The following ROBO1 variants were observed in gnomAD, a reference collection of about 807,000 sequenced individuals.
The protein encoded by ROBO1 is roundabout guidance receptor 1, also known as roundabout homolog 1.
Under a neutral mutation model 195.9 loss-of-function variants are expected in ROBO1, and 149 were observed. The ratio of observed to expected loss-of-function variants is 0.76; its 90% CI spans 0.67 to 0.87. The LOEUF (loss-of-function observed/expected upper bound fraction) is 0.87. ROBO1 is among the 40% of genes least tolerant of loss of function. The pLI is 0.00. For missense variants in ROBO1, 1,933 were observed against 2,068.3 expected (o/e 0.93, Z 1.27); for synonymous variants, 816 against 733.2 (o/e 1.11, Z -1.82).
chr3:78,874,862 T>C (rs1048045544), intron 4 of ROBO1, among the ~76,000 whole-genome samples: 4 of 151,928 alleles, frequency 2.6e-5, no homozygotes, highest in Non-Finnish European at 2.9e-5. Flanking sequence ...AATAGTTACC[T>C]CAAAACAAAT....
intron 4 of ROBO1, among the ~76,000 whole-genome samples, chr3:78,848,561 G>A (rs2033825991): frequency 6.6e-6 from 1 of 152,150 alleles, no homozygotes; most frequent in South Asian, 2.1e-4. Flanking sequence ...AGACCTTAGA[G>A]AAGGGAGGGG....
intron 26 of ROBO1, among the ~76,000 whole-genome samples, chr3:78,622,222 A>G (rs1289316708): frequency 6.6e-6 from 1 of 152,204 alleles, no homozygotes; most frequent in Non-Finnish European, 1.5e-5. Flanking sequence ...AGTTCATTAT[A>G]ATACCAAAAT....
intron 3 of ROBO1, among the ~76,000 whole-genome samples, chr3:79,010,985 T>C (rs912360048): frequency 1.8e-4 from 27 of 152,290 alleles, no homozygotes; most frequent in Admixed American, 1.2e-3. Flanking sequence ...TCTCTTCAGA[T>C]ACAAGGGAAA....
chr3:79,357,134 C>T (rs1206439521), intron 2 of ROBO1, among the ~76,000 whole-genome samples: 2 of 151,964 alleles, frequency 1.3e-5, no homozygotes, highest in Non-Finnish European at 2.9e-5. Flanking sequence ...TACATTGAAA[C>T]AATAAGAAAA....
chr3:79,706,656 AT>A (rs1947780709), intron 1 of ROBO1, among the ~76,000 whole-genome samples: 1 of 151,904 alleles, frequency 6.6e-6, no homozygotes, highest in Non-Finnish European at 1.5e-5. Context: ...TGATGGTTTT[AT>A]GGGGGCGGGG....
At chr3:79,155,565 A>T (rs2080844495) in intron 2 of ROBO1, among the ~76,000 whole-genome samples, 1 of 151,750 alleles carries the variant, frequency 6.6e-6, no homozygotes, top group African/African-American at 2.4e-5. Flanking sequence ...ATGCTAGAGG[A>T]AAACAATCTC....
At chr3:79,764,912 T>G (rs995092486) in intron 1 of ROBO1, among the ~76,000 whole-genome samples, 2 of 152,192 alleles carry the variant, frequency 1.3e-5, no homozygotes, top group African/African-American at 4.8e-5. Context: ...ATTAAACCTT[T>G]GGGACTCCCT....
At chr3:78,747,938 T>C (rs1370924479) in intron 4 of ROBO1, among the ~76,000 whole-genome samples, 1 of 152,182 alleles carries the variant, frequency 6.6e-6, no homozygotes, top group Non-Finnish European at 1.5e-5. Flanking sequence ...AACTATTTAA[T>C]ACTTTTGCTT....
chr3:79,657,426 AT>A (rs1162117121), intron 1 of ROBO1, among the ~76,000 whole-genome samples: 3 of 152,136 alleles, frequency 2.0e-5, no homozygotes, highest in Non-Finnish European at 4.4e-5. Flanking sequence ...TAACTTTTTG[AT>A]GAATGTAAAA....
chr3:79,556,366 T>C (rs1193051091), intron 2 of ROBO1, among the ~76,000 whole-genome samples: 1 of 152,116 alleles, frequency 6.6e-6, no homozygotes, highest in African/African-American at 2.4e-5. Flanking sequence ...GATCCGCTAG[T>C]TGTTCATTTT....
At chr3:79,088,156 C>T (rs923154409) in intron 3 of ROBO1, among the ~76,000 whole-genome samples, 1 of 151,968 alleles carries the variant, frequency 6.6e-6, no homozygotes, top group Non-Finnish European at 1.5e-5. Context: ...GCTGATTATT[C>T]GATATGGGAA....
chr3:78,608,020 TACAC>T (rs56715450), intron 28 of ROBO1, among the ~76,000 whole-genome samples: 30,200 of 149,760 alleles, frequency 0.2, 3,115 homozygotes, highest in East Asian at 0.42. Flanking sequence ...TAATTTCATT[TACAC>T]ACACACACAC....
intron 1 of ROBO1, among the ~76,000 whole-genome samples, chr3:79,720,508 G>A (rs920705226): frequency 3.3e-5 from 5 of 152,158 alleles, no homozygotes; most frequent in Non-Finnish European, 7.3e-5. Context: ...TGAAATACAA[G>A]AAATTATAAA....
At chr3:79,146,003 T>A (rs2080640978) in intron 2 of ROBO1, among the ~76,000 whole-genome samples, 1 of 147,610 alleles carries the variant, frequency 6.8e-6, no homozygotes, top group Admixed American at 6.9e-5. Context: ...TGAGAATAGT[T>A]CAAGTGGGTA....
At chr3:79,077,927 A>G (rs1215807638) in intron 3 of ROBO1, among the ~76,000 whole-genome samples, 2 of 151,856 alleles carry the variant, frequency 1.3e-5, no homozygotes, top group African/African-American at 4.8e-5. Flanking sequence ...AGTTTAGTGT[A>G]TGACAAATAG....
intron 2 of ROBO1, among the ~76,000 whole-genome samples, chr3:79,242,287 C>A (rs780914933): frequency 1.7e-4 from 26 of 151,574 alleles, no homozygotes; most frequent in Non-Finnish European, 2.4e-4. Flanking sequence ...AAAAAAAATT[C>A]TCTTTTATTT....
chr3:79,265,905 A>G (rs2083032825), intron 2 of ROBO1, among the ~76,000 whole-genome samples: 1 of 151,568 alleles, frequency 6.6e-6, no homozygotes, highest in African/African-American at 2.4e-5. Context: ...TATATATTTT[A>G]TGAATGATAT....
intron 4 of ROBO1, among the ~76,000 whole-genome samples, chr3:78,767,485 C>T (rs2083260141): frequency 6.6e-6 from 1 of 151,758 alleles, no homozygotes; most frequent in African/African-American, 2.4e-5. Flanking sequence ...AGGCTGGTCT[C>T]GAACTCCTGG....
chr3:79,054,208 A>G (rs1429983137), intron 3 of ROBO1, among the ~76,000 whole-genome samples: 5 of 152,106 alleles, frequency 3.3e-5, no homozygotes, highest in African/African-American at 1.2e-4. Context: ...TTAAACTTTG[A>G]TGCTCTTACC....
Sources: gnomAD v4.1 joint callset for allele counts (sites outside exome capture counted in the v4.1 genomes callset) on GRCh38, gnomAD v4.1.1 for gene constraint, MANE v1.5 for transcripts, NCBI Gene and HGNC (gene_info 2026-07-23, HGNC 2026-07-21) for gene names.